The following GOSR2 variants were observed in gnomAD, a reference collection of about 807,000 sequenced individuals.
GOSR2 encodes 27 kDa Golgi SNARE protein.
GOSR2 carries 20 observed loss-of-function variants against 27.9 expected under a neutral mutation model. The observed-to-expected ratio is 0.72, with a 90% confidence interval of 0.50 to 1.04. The LOEUF (loss-of-function observed/expected upper bound fraction) is 1.04. GOSR2 is among the 50% of genes least tolerant of loss of function. GOSR2 has a pLI of 0.00. For synonymous variants in GOSR2, 91 were observed against 98.8 expected (o/e 0.92, Z 0.47); for missense variants, 261 against 270.5 (o/e 0.97, Z 0.25).
At position 46,939,428 on chromosome 17, in the gene GOSR2, T is replaced by C. The variant is rs2088944996; in HGVS notation, c.*668T>C. 11 of 993,212 alleles carry C rather than the reference T, an allele frequency of 1.1e-5. No homozygotes were observed. The highest frequency in any genetic ancestry group is 1.3e-5 in the Non-Finnish European group (11 of 833,556). 61.5% of individuals were successfully genotyped at this position (993,212 alleles called of 1,614,324 possible). A position where few individuals can be genotyped will look rare whatever the true frequency, so the allele number is the denominator to read the frequency against. On this transcript the variant is annotated 3_prime_UTR_variant, in exon 6 of 6. Coordinates refer to ENST00000640051, the MANE Select transcript of GOSR2 (RefSeq NM_004287.5). ...CTTTTCTAAAGTGAGGCCAGTGTTA[T>C]TTCCCGGGAGTGTTCAGTCTTGACC...
intron 4 of GOSR2, among the ~76,000 whole-genome samples, chr17:46,933,821 G>A (rs1040816057): frequency 1.3e-5 from 2 of 151,824 alleles, no homozygotes; most frequent in Admixed American, 6.6e-5. Flanking sequence ...AAAATTAGCC[G>A]GGCGTGGTGG....
At chr17:46,974,054 GT>G (rs2091420895) in intron 6 of GOSR2, among the ~76,000 whole-genome samples, 1 of 152,246 alleles carries the variant, frequency 6.6e-6, no homozygotes, top group Non-Finnish European at 1.5e-5. Context: ...GTAAGTGGAT[GT>G]GGTGATGTAA....
chr17:46,959,509 T>A (rs1204726989), intron 6 of GOSR2, among the ~76,000 whole-genome samples: 1 of 152,168 alleles, frequency 6.6e-6, no homozygotes, highest in Non-Finnish European at 1.5e-5. Context: ...GAAAAGGTTC[T>A]TCTGGGTTTC....
chr17:46,960,977 C>T (rs750027296), intron 6 of GOSR2, among the ~76,000 whole-genome samples: 28 of 151,748 alleles, frequency 1.8e-4, no homozygotes, highest in East Asian at 5.8e-4. Context: ...AAATTTTACC[C>T]TAAATTTGAA....
At chr17:46,930,186 T>C (rs1230225627) in intron 2 of GOSR2, 3 of 153,332 alleles carry the variant, frequency 2.0e-5, no homozygotes, top group Non-Finnish European at 2.9e-5. Flanking sequence ...ATGTCTCCTT[T>C]CGCAGCTTCA....
At chr17:46,967,832 T>C (rs1246349398), downstream of GOSR2, among the ~76,000 whole-genome samples, 1 of 150,402 alleles carries the variant, frequency 6.6e-6, no homozygotes, top group Admixed American at 6.6e-5. Flanking sequence ...AAGAGGGGGG[T>C]AGGGGGCCCA....
intron 6 of GOSR2, among the ~76,000 whole-genome samples, chr17:46,956,008 T>C (rs73985115): frequency 0.015 from 2,296 of 152,196 alleles, 58 homozygotes; most frequent in African/African-American, 0.052. Flanking sequence ...GGAAAATCTT[T>C]CCATGCCCCA....
chr17:46,923,896 A>G (rs2086096784), intron 1 of GOSR2: 1 of 361,076 alleles, frequency 2.8e-6, no homozygotes, highest in Non-Finnish European at 4.9e-6. Context: ...TACTTACCCT[A>G]TTTTTGGGGG....
Position 46,939,061 on chromosome 17 carries a change from T to C in GOSR2, c.*301T>C, listed in dbSNP as rs8078556. The stretch of plus-strand genomic sequence containing the variant: ...AATGGCTTTGGTGGCTTTGTTCACA[T>C]AGCTGATGCGTGCCCTGGGAAGGTG... On this transcript the variant is annotated 3_prime_UTR_variant, in exon 6 of 6. Transcript: ENST00000640051. The C allele has an allele frequency of 0.99, 1,230,878 of 1,246,072 alleles. 609,305 individuals carry two copies. Among genetic ancestry groups the C allele is most frequent in the East Asian group, 1 (21,347 of 21,348 alleles). 77.2% of individuals were successfully genotyped at this position (1,246,072 alleles called of 1,614,324 possible). A position where few individuals can be genotyped will look rare whatever the true frequency, so the allele number is the denominator to read the frequency against.
chr17:46,943,149 C>G (rs1255273015), downstream of GOSR2, among the ~76,000 whole-genome samples: 1 of 152,164 alleles, frequency 6.6e-6, no homozygotes, highest in Non-Finnish European at 1.5e-5. Flanking sequence ...AAGGCTAGCC[C>G]GTCCCCCATG....
intron 6 of GOSR2, among the ~76,000 whole-genome samples, chr17:46,974,561 C>T (rs887727216): frequency 2.0e-5 from 3 of 152,034 alleles, no homozygotes; most frequent in East Asian, 1.9e-4. Flanking sequence ...GGTGAAACCC[C>T]GTCTCTACTA....
At chr17:46,953,934 A>G (rs1053543777) in intron 6 of GOSR2, among the ~76,000 whole-genome samples, 3 of 152,160 alleles carry the variant, frequency 2.0e-5, no homozygotes, top group Non-Finnish European at 4.4e-5. Flanking sequence ...TCTTGATATT[A>G]GCCCTTTGTC....
intron 5 of GOSR2, chr17:46,936,270 G>A: frequency 1.0e-6 from 1 of 985,332 alleles, no homozygotes; most frequent in Non-Finnish European, 1.2e-6. Flanking sequence ...AAAAACAGTA[G>A]AGGCCTTTTA....
At chr17:46,971,688 G>A (rs577784414), downstream of GOSR2, among the ~76,000 whole-genome samples, 4 of 152,300 alleles carry the variant, frequency 2.6e-5, no homozygotes, top group African/African-American at 9.6e-5. Flanking sequence ...AAGGTGAAGC[G>A]ACTTTCTCTG....
At chr17:46,924,382 T>C (rs2086180347) in intron 1 of GOSR2, 1 of 152,294 alleles carries the variant, frequency 6.6e-6, no homozygotes, top group African/African-American at 2.4e-5. Context: ...ACTTGAGTTG[T>C]TTCCACCATT....
At chr17:46,930,875 G>T in intron 2 of GOSR2, 2 of 477,830 alleles carry the variant, frequency 4.2e-6, no homozygotes, top group South Asian at 3.0e-5. Flanking sequence ...TTAAAAAATT[G>T]GCATTGTTAT....
intron 6 of GOSR2, among the ~76,000 whole-genome samples, chr17:46,947,353 T>C (rs2089989521): frequency 1.3e-5 from 2 of 152,052 alleles, no homozygotes; most frequent in African/African-American, 4.8e-5. Context: ...CTACCCCTGC[T>C]CCCTCCCCAC....
At chr17:46,950,147 C>T (rs1049265224) in intron 6 of GOSR2, among the ~76,000 whole-genome samples, 1 of 152,186 alleles carries the variant, frequency 6.6e-6, no homozygotes, top group Non-Finnish European at 1.5e-5. Context: ...TCAGTTGTTG[C>T]CTTTCCAGTA....
At position 46,931,291 on chromosome 17, in the gene GOSR2, C is replaced by G. The variant is rs1469908441; in HGVS notation, c.203+84C>G. ...TCCCTGGGGGAGGTGATAGAATATT[C>G]TGAAAACCAACGTACATGTTGAAAA... On this transcript the variant is annotated intron_variant, in intron 3 of 5. Coordinates refer to ENST00000640051, the MANE Select transcript of GOSR2 (RefSeq NM_004287.5). 1.0e-5 allele frequency: 8 copies of G among 782,816 alleles called. No individual in the cohort carries two copies. The East Asian group carries it at 2.0e-4, about 19-fold the overall frequency. The allele number at this position is 782,816 out of a possible 1,614,324, so 48.5% of individuals were successfully genotyped here.
Sources: allele counts gnomAD v4.1 joint callset (sites outside exome capture counted in the v4.1 genomes callset), GRCh38; gene constraint gnomAD v4.1.1; transcripts MANE v1.5; gene names NCBI Gene and HGNC (gene_info 2026-07-23, HGNC 2026-07-21).